TMEM266: variants seen among roughly 807,000 people sequenced by gnomAD.
TMEM266 encodes the protein transmembrane protein 266.
Under a neutral mutation model 50.5 loss-of-function variants are expected in TMEM266, and 33 were observed. The ratio of observed to expected loss-of-function variants is 0.65; its 90% confidence interval spans 0.50 to 0.87. TMEM266 has a LOEUF of 0.87. TMEM266 is among the 40% of genes least tolerant of loss of function. TMEM266 has a pLI of 0.00. For synonymous variants in TMEM266, 310 were observed against 292.3 expected (o/e 1.06, Z -0.62); for missense variants, 655 against 695.1 (o/e 0.94, Z 0.65).
chr15:76,204,093 GGACCCAGCCCCCCTCGCCC>G lies in TMEM266; in HGVS notation c.1376_1394del (p.Asp459GlyfsTer18). On this transcript the variant is annotated frameshift_variant, in exon 11 of 11. Transcript: ENST00000388942. LOFTEE classifies it high-confidence loss of function. ...ACCCCTGCCCTTCCCAGAAGGCCTT[GGACCCAGCCCCCCTCGCCC>G]GGCCCAGCCCAGCGGGCTCGGCCCA... is the stretch of plus-strand genomic sequence containing the variant. 6.2e-7 allele frequency: 1 copy of G among 1,612,766 alleles called. No homozygotes were observed. The highest frequency in any genetic ancestry group is 8.5e-7 in the Non-Finnish European group (1 of 1,179,602).
chr15:76,141,653 A>G (rs1283636217), intron 3 of TMEM266, among the ~76,000 whole-genome samples: 1 of 152,200 alleles, frequency 6.6e-6, no homozygotes, highest in Non-Finnish European at 1.5e-5. Flanking sequence ...GGACATACAC[A>G]TTGTTGGGTA....
intron 1 of TMEM266, among the ~76,000 whole-genome samples, chr15:76,111,821 C>T (rs2037174963): frequency 6.6e-6 from 1 of 152,226 alleles, no homozygotes; most frequent in Admixed American, 6.5e-5. Context: ...CAAAATCCTG[C>T]ACCTGACGTA....
intron 1 of TMEM266, among the ~76,000 whole-genome samples, chr15:76,106,243 A>G (rs1235173464): frequency 6.6e-6 from 1 of 152,160 alleles, no homozygotes; most frequent in Non-Finnish European, 1.5e-5. Context: ...GAAGGAGCTC[A>G]CAGTCTGGTA....
intron 1 of TMEM266, among the ~76,000 whole-genome samples, chr15:76,121,034 T>C (rs2037336317): frequency 6.6e-6 from 1 of 152,172 alleles, no homozygotes; most frequent in African/African-American, 2.4e-5. Context: ...TATATACTGC[T>C]GAGTGATAAA....
chr15:76,075,027 A>C (rs2036585932), intron 1 of TMEM266, among the ~76,000 whole-genome samples: 1 of 152,018 alleles, frequency 6.6e-6, no homozygotes, highest in African/African-American at 2.4e-5. Flanking sequence ...GGAGGAGCAG[A>C]TTTTAAGTAG....
chr15:76,140,327 G>A (rs1029862562), intron 3 of TMEM266, among the ~76,000 whole-genome samples: 20 of 152,206 alleles, frequency 1.3e-4, no homozygotes, highest in Non-Finnish European at 2.6e-4. Flanking sequence ...AGGGAGGAAC[G>A]GCCTCTCTCC....
At chr15:76,084,484 T>C (rs541894575) in intron 1 of TMEM266, among the ~76,000 whole-genome samples, 17 of 152,110 alleles carry the variant, frequency 1.1e-4, no homozygotes, top group Non-Finnish European at 2.1e-4. Flanking sequence ...AGGGAGCATA[T>C]GGAGAAATAG....
At chr15:76,175,272 AGGAGGC>A in intron 7 of TMEM266, 1 of 300,024 alleles carries the variant, frequency 3.3e-6, no homozygotes, top group South Asian at 3.6e-5. Context: ...ATAGCTGCAA[AGGAGGC>A]TGGAAAATAG....
At chr15:76,194,259 T>A (rs946758884) in intron 9 of TMEM266, among the ~76,000 whole-genome samples, 3 of 152,250 alleles carry the variant, frequency 2.0e-5, no homozygotes, top group Non-Finnish European at 2.9e-5. Context: ...ACTCCAGGGC[T>A]TGGTAGGTCC....
rs552564746 is a variant in TMEM266, at chr15:76,192,179, G to A, written c.958+22G>A. 16 of 1,390,818 alleles carry A rather than the reference G, an allele frequency of 1.2e-5. No individual in the cohort carries two copies. In the African/African-American group the frequency reaches 2.1e-4, roughly 19 times the overall value. 86.2% of individuals were successfully genotyped at this position (1,390,818 alleles called of 1,614,324 possible). A position where few individuals can be genotyped will look rare whatever the true frequency, so the allele number is the denominator to read the frequency against. ...CAAGGTAAGCCCGGGTCTCCACCCGGCCCCAGAGTGTCACGGCCGGGGATC... is the reference window on the plus strand; with the variant it reads ...CAAGGTAAGCCCGGGTCTCCACCCGACCCCAGAGTGTCACGGCCGGGGATC... On this transcript the variant is annotated intron_variant, in intron 9 of 10. Coordinates refer to ENST00000388942, the MANE Select transcript of TMEM266 (RefSeq NM_152335.3).
chr15:76,142,059 C>G lies in TMEM266; in HGVS notation c.227+4164C>G, dbSNP rs556953413. On this transcript the variant is annotated intron_variant, in intron 3 of 10. Coordinates refer to ENST00000388942, the MANE Select transcript of TMEM266 (RefSeq NM_152335.3). ...CATATTTTAGCTACTGTGAATAATA[C>G]TGCTATGAACAGACCTGTACAAATA... Among the ~76,000 whole-genome samples, 5 of 152,290 alleles carry G rather than the reference C, an allele frequency of 3.3e-5. No homozygotes were observed. The South Asian group carries it at 1.0e-3, about 32-fold the overall frequency.
chr15:76,117,420 C>T (rs973188750), intron 1 of TMEM266, among the ~76,000 whole-genome samples: 3 of 152,058 alleles, frequency 2.0e-5, no homozygotes, highest in Non-Finnish European at 4.4e-5. Flanking sequence ...CGTGGCAAAA[C>T]TGGGCTCCGA....
chr15:76,103,531 A>T (rs1237657707), intron 1 of TMEM266, among the ~76,000 whole-genome samples: 1 of 152,198 alleles, frequency 6.6e-6, no homozygotes, highest in Non-Finnish European at 1.5e-5. Context: ...GGAAAAGGCC[A>T]TGGTGGGGCA....
In TMEM266 at chr15:76,092,416, G is replaced by C. The variant is rs769326053; in HGVS notation, c.-97+32400G>C. On this transcript the variant is annotated intron_variant, in intron 1 of 10. Transcript: ENST00000388942. ...GATATTAATAATCCAATAGCTGGGCGTGGTGGCTCATGCCTGTAATCACAG... is the reference window on the plus strand; with the variant it reads ...GATATTAATAATCCAATAGCTGGGCCTGGTGGCTCATGCCTGTAATCACAG... Among the ~76,000 whole-genome samples, 29 of 152,050 alleles carry C rather than the reference G, an allele frequency of 1.9e-4. 2 individuals carry two copies. Among genetic ancestry groups the C allele is most frequent in the Non-Finnish European group, 4.0e-4 (27 of 68,000 alleles).
At chr15:76,148,872 G>A (rs989513755) in intron 3 of TMEM266, among the ~76,000 whole-genome samples, 10 of 152,298 alleles carry the variant, frequency 6.6e-5, no homozygotes, top group South Asian at 6.2e-4. Flanking sequence ...CTCTCTTCCC[G>A]CAAGGCAGCA....
chr15:76,200,375 A>G (rs1359447263), intron 9 of TMEM266, among the ~76,000 whole-genome samples: 1 of 152,192 alleles, frequency 6.6e-6, no homozygotes, highest in Non-Finnish European at 1.5e-5. Flanking sequence ...GAGCCTCGCC[A>G]GCGCCATCGG....
intron 3 of TMEM266, among the ~76,000 whole-genome samples, chr15:76,141,636 G>A (rs1308855864): frequency 6.6e-6 from 1 of 152,128 alleles, no homozygotes; most frequent in African/African-American, 2.4e-5. Flanking sequence ...GGCTTCAGTG[G>A]CATTAAGGAC....
Position 76,160,311 on chromosome 15 carries a change from T to G in TMEM266, c.456+143T>G. 1 of 870,000 alleles carries G rather than the reference T, an allele frequency of 1.1e-6. No homozygotes were observed. 53.9% of individuals were successfully genotyped at this position (870,000 alleles called of 1,614,324 possible). A position where few individuals can be genotyped will look rare whatever the true frequency, so the allele number is the denominator to read the frequency against. On this transcript the variant is annotated intron_variant, in intron 5 of 10. Transcript: ENST00000388942. This position sits in a 1 kb window ranked among gnomAD's most constrained non-coding sequence, Gnocchi z 5.7. ...TGCTGGGAGGGAGACACAATATAGA[T>G]AGATGATCTCTGCGGGGGGAAGTGG...
intron 1 of TMEM266, among the ~76,000 whole-genome samples, chr15:76,061,130 T>C (rs552004609): frequency 1.3e-5 from 2 of 152,212 alleles, no homozygotes; most frequent in East Asian, 1.9e-4. Flanking sequence ...CCCTAAAATA[T>C]TGTGATGAAA....
Sources: allele counts gnomAD v4.1 joint callset (sites outside exome capture counted in the v4.1 genomes callset), GRCh38; gene constraint gnomAD v4.1.1; non-coding constraint Gnocchi (gnomAD v3.1); transcripts MANE v1.5; gene names NCBI Gene and HGNC (gene_info 2026-07-23, HGNC 2026-07-21).